Variants in TRAF6 observed in about 807,000 individuals in gnomAD.
TRAF6 encodes TNF receptor associated factor 6.
A neutral mutation model predicts 48.4 loss-of-function variants in TRAF6; 10 were observed. That is an observed-to-expected ratio of 0.21 (90% CI 0.13 to 0.35). TRAF6 has a LOEUF of 0.35. Among genes scored for constraint, TRAF6 ranks in the 10% least tolerant of loss-of-function variants. The pLI, the probability that TRAF6 is intolerant of heterozygous loss-of-function variation, is 1.00. For missense variants in TRAF6, 397 were observed against 661.0 expected (o/e 0.60, Z 4.38); for synonymous variants, 186 against 219.6 (o/e 0.85, Z 1.35).
At chr11:36,492,432 T>TAA in intron 6 of TRAF6, 119 bp downstream of exon 6, 1 of 842,926 alleles carries the variant, frequency 1.2e-6, no homozygotes, top group South Asian at 1.6e-5. Context: ...ATAACTCTAT[T>TAA]ATATCACTTA....
At chr11:36,508,163 G>A (rs1018661157) in intron 1 of TRAF6, among the ~76,000 whole-genome samples, 2 of 151,990 alleles carry the variant, frequency 1.3e-5, no homozygotes, top group Admixed American at 1.3e-4. Context: ...ATTTCTTACA[G>A]CCTCTATTCT....
At chr11:36,494,752 T>C (rs1420422339) in intron 5 of TRAF6, among the ~76,000 whole-genome samples, 1 of 152,020 alleles carries the variant, frequency 6.6e-6, no homozygotes, top group African/African-American at 2.4e-5. Flanking sequence ...ACAGGTATTA[T>C]GTTAATGACT....
chr11:36,485,003 A>G lies in TRAF6; in HGVS notation c.*4835T>C, dbSNP rs1859461401. Among the ~76,000 whole-genome samples, 2 of 151,492 alleles carry G rather than the reference A, an allele frequency of 1.3e-5. No individual in the cohort carries two copies. Among genetic ancestry groups the G allele is most frequent in the Non-Finnish European group, 2.9e-5 (2 of 68,040 alleles). On this transcript the variant is annotated 3_prime_UTR_variant, in exon 7 of 7. Transcript: ENST00000526995. ...TGTCCCAAGTTCCCCCAAAGAACTT[A>G]AGACAAATTGATTAAAGTTGTTCAG... is the stretch of plus-strand genomic sequence containing the variant.
chr11:36,509,376 G>C (rs1349316639), intron 1 of TRAF6, among the ~76,000 whole-genome samples: 1 of 151,308 alleles, frequency 6.6e-6, no homozygotes, highest in Non-Finnish European at 1.5e-5. Context: ...ACAATCGCTC[G>C]AACTACCGAG....
chr11:36,501,173 G>T, intron 2 of TRAF6, 47 bp downstream of exon 2: 8 of 1,475,726 alleles, frequency 5.4e-6, no homozygotes, highest in Non-Finnish European at 5.4e-6. Context: ...AATGTTCTCT[G>T]CATCTGGTTC....
In TRAF6 at chr11:36,492,648, C is replaced by G. The variant is rs757821086; in HGVS notation, c.679-20G>C. On this transcript the variant is annotated intron_variant, in intron 5 of 6. Transcript: ENST00000526995. ...AGGCATCTGAAATCCAAAACAAAGG[C>G]TGAAAAATCTCTTCCTTGCATATCA... is the stretch of plus-strand genomic sequence containing the variant. The G allele has an allele frequency of 1.3e-6, 2 of 1,564,426 alleles. No individual in the cohort carries two copies. The highest frequency in any genetic ancestry group is 1.2e-5 in the South Asian group (1 of 86,650).
Position 36,489,706 on chromosome 11 carries a change from G to A in TRAF6, c.*132C>T, listed in dbSNP as rs1859534725. ...TTTGTAACAGGAAGAAATAGTAAGT[G>A]ACCTCTCTAACAACACTCACTAGTA... On this transcript the variant is annotated 3_prime_UTR_variant, in exon 7 of 7. Coordinates refer to ENST00000526995, the MANE Select transcript of TRAF6 (RefSeq NM_004620.4). 4.1e-6 allele frequency: 4 copies of A among 983,624 alleles called. 1 individual carries two copies. The Admixed American group carries it at 7.0e-5, about 17-fold the overall frequency. The allele number at this position is 983,624 out of a possible 1,614,324, so 60.9% of individuals were successfully genotyped here.
intron 6 of TRAF6, among the ~76,000 whole-genome samples, chr11:36,491,403 T>C (rs1859561978): frequency 6.6e-6 from 1 of 152,228 alleles, no homozygotes; most frequent in South Asian, 2.1e-4. Flanking sequence ...ATTAACATTT[T>C]ATTTCTTTCT....
In TRAF6 at chr11:36,486,015, T is replaced by A. The variant is rs1207981644; in HGVS notation, c.*3823A>T. 6.6e-6 allele frequency among the ~76,000 whole-genome samples: 1 copy of A among 152,144 alleles called. No homozygotes were observed. Among genetic ancestry groups the A allele is most frequent in the Non-Finnish European group, 1.5e-5 (1 of 68,032 alleles). On this transcript the variant is annotated 3_prime_UTR_variant, in exon 7 of 7. Transcript: ENST00000526995. Reference sequence around the variant, plus strand: ...TTGCACTGTTTAGGTTGTAAGCAACTAGGCATCACAAACAGAATCTGATGT... The same window carrying A: ...TTGCACTGTTTAGGTTGTAAGCAACAAGGCATCACAAACAGAATCTGATGT...
rs541464034 is a variant in TRAF6, at chr11:36,503,673, A to G, written c.-22-2136T>C. Reference sequence around the variant, plus strand: ...TGATGTGGACTCCTAGGGAAGGTTCATACAGATTGAAAGGAAGCAAACAAT... The same window carrying G: ...TGATGTGGACTCCTAGGGAAGGTTCGTACAGATTGAAAGGAAGCAAACAAT... On this transcript the variant is annotated intron_variant, in intron 1 of 6. Coordinates refer to ENST00000526995, the MANE Select transcript of TRAF6 (RefSeq NM_004620.4). Among the ~76,000 whole-genome samples, 6 of 152,300 alleles carry G rather than the reference A, an allele frequency of 3.9e-5. No individual in the cohort carries two copies. In the South Asian group the frequency reaches 1.2e-3, roughly 32 times the overall value.
At position 36,490,701 on chromosome 11, in the gene TRAF6, G is replaced by T; in HGVS notation, c.757-51C>A. On this transcript the variant is annotated intron_variant, in intron 6 of 6. Transcript: ENST00000526995. This position sits in a 1 kb window ranked among gnomAD's most constrained non-coding sequence, Gnocchi z 6.4. ...CTGGGAATAGATACCGTGAGGAGTA[G>T]GAAAAGGACCTGGCCAGGTCAAATA... The T allele has an allele frequency of 6.6e-7, 1 of 1,521,482 alleles. No homozygotes were observed. The highest frequency in any genetic ancestry group is 8.9e-7 in the Non-Finnish European group (1 of 1,125,008). The allele number at this position is 1,521,482 out of a possible 1,614,324, so 94.2% of individuals were successfully genotyped here.
chr11:36,489,308 T>C lies in TRAF6; in HGVS notation c.*530A>G, dbSNP rs1342961759. On this transcript the variant is annotated 3_prime_UTR_variant, in exon 7 of 7. Coordinates refer to ENST00000526995, the MANE Select transcript of TRAF6 (RefSeq NM_004620.4). ...CTGGGGTGAATGAGAACTTAAGTTT[T>C]CCAAGGATTATGGTTCAAATCCTCT... 1 of 153,572 alleles carries C rather than the reference T, an allele frequency of 6.5e-6. No individual in the cohort carries two copies. Among genetic ancestry groups the C allele is most frequent in the African/African-American group, 2.4e-5 (1 of 41,446 alleles). 9.5% of individuals were successfully genotyped at this position (153,572 alleles called of 1,614,324 possible).
chr11:36,506,368 G>C (rs1044980044), intron 1 of TRAF6, among the ~76,000 whole-genome samples: 1 of 152,068 alleles, frequency 6.6e-6, no homozygotes, highest in African/African-American at 2.4e-5. Context: ...ATATATGCAA[G>C]AGTCCATTTT....
At chr11:36,495,643 C>T (rs1859620363) in intron 4 of TRAF6, among the ~76,000 whole-genome samples, 1 of 152,136 alleles carries the variant, frequency 6.6e-6, no homozygotes, top group Non-Finnish European at 1.5e-5. Context: ...TCTGTAATCC[C>T]AGCATTTTGG....
rs748112417 is a variant in TRAF6, at chr11:36,492,982, C to T, written c.679-354G>A. Among the ~76,000 whole-genome samples the T allele has an allele frequency of 5.1e-4, 77 of 152,312 alleles. 2 individuals carry two copies. Among genetic ancestry groups the T allele is most frequent in the Middle Eastern group, 3.4e-3 (1 of 294 alleles). The stretch of plus-strand genomic sequence containing the variant: ...ATTAAGACTCCCACTATGGTCTAGG[C>T]CATTTAATAGGAACCAGTCAACTGC... On this transcript the variant is annotated intron_variant, in intron 5 of 6. Transcript: ENST00000526995.
chr11:36,508,420 T>G (rs184787050), intron 1 of TRAF6, among the ~76,000 whole-genome samples: 3 of 152,170 alleles, frequency 2.0e-5, no homozygotes, highest in Admixed American at 2.0e-4. Flanking sequence ...AATTAGTATC[T>G]GGGTGTACAT....
rs776312804 is a variant in TRAF6, at chr11:36,490,530, G to A, written c.877C>T (p.Arg293Trp). The change falls in exon 7 of 7, where the codon CGG becomes TGG. Residue 293 changes from arginine to tryptophan, a missense_variant. Arg to Trp is a moderately radical substitution (Grantham distance 101). This residue lies in a region of TRAF6 where 245 missense variants were observed against 349.1 expected (regional missense o/e 0.70). Transcript: ENST00000526995. This position sits in a 1 kb window ranked among gnomAD's most constrained non-coding sequence, Gnocchi z 6.4. Reference protein sequence around the residue: ...IPDSGYISEVRNFQETIHQLE... With the variant: ...IPDSGYISEVWNFQETIHQLE... ...TGGTGAATAGTTTCCTGGAAATTCC[G>A]GACCTCTGAGATATACCCAGAGTCG... 3 of 1,614,002 alleles carry A rather than the reference G, an allele frequency of 1.9e-6. No homozygotes were observed. Among genetic ancestry groups the A allele is most frequent in the Non-Finnish European group, 2.5e-6 (3 of 1,180,020 alleles).
intron 1 of TRAF6, among the ~76,000 whole-genome samples, chr11:36,504,324 A>C (rs1859757580): frequency 6.6e-6 from 1 of 152,208 alleles, no homozygotes; most frequent in African/African-American, 2.4e-5. Context: ...TTATCAACTA[A>C]GTTTGTAGAA....
At chr11:36,494,880 T>C in intron 5 of TRAF6, 96 bp downstream of exon 5, 1 of 846,100 alleles carries the variant, frequency 1.2e-6, no homozygotes, top group South Asian at 1.7e-5. Flanking sequence ...TCAATCTGTA[T>C]TTCTTTGCCT....
Sources: gnomAD v4.1 joint callset for allele counts (sites outside exome capture counted in the v4.1 genomes callset) on GRCh38, gnomAD v4.1.1 for gene constraint, gnomAD v4.1.1 regional missense constraint, Gnocchi (gnomAD v3.1) non-coding constraint, MANE v1.5 for transcripts, NCBI Gene and HGNC (gene_info 2026-07-23, HGNC 2026-07-21) for gene names.